Variants in RNASEH2B observed in about 807,000 individuals in gnomAD.
The protein encoded by RNASEH2B is ribonuclease H2 subunit B.
A neutral mutation model predicts 45.0 loss-of-function variants in RNASEH2B; 36 were observed. The ratio of observed to expected loss-of-function variants is 0.80; its 90% CI spans 0.61 to 1.06. The LOEUF (loss-of-function observed/expected upper bound fraction) is 1.06, where lower values mean the gene tolerates loss of function less well. RNASEH2B is among the 50% of genes least tolerant of loss of function. RNASEH2B has a pLI of 0.00. For missense variants in RNASEH2B, 361 were observed against 360.3 expected (o/e 1.00, Z -0.02); for synonymous variants, 119 against 125.7 (o/e 0.95, Z 0.35).
intron 6 of RNASEH2B, among the ~76,000 whole-genome samples, chr13:50,944,765 G>C (rs979563098): frequency 1.3e-5 from 2 of 152,178 alleles, no homozygotes; most frequent in African/African-American, 4.8e-5. Context: ...GAAAGATTTA[G>C]AGTGCCATGT....
At chr13:50,950,677 C>G (rs1479009157) in intron 9 of RNASEH2B, 1 of 152,202 alleles carries the variant, frequency 6.6e-6, no homozygotes, top group Non-Finnish European at 1.5e-5. Flanking sequence ...AAAAATGAAG[C>G]AGATTTTTTT....
chr13:50,910,154 C>T lies in RNASEH2B; in HGVS notation c.64+14C>T. ...TCCTGGTTTCAGGTAAACACGCGCG[C>T]CCGGGCGGCGGGGTCGGCCCAAGAA... On this transcript the variant is annotated intron_variant, in intron 1 of 10. Coordinates refer to ENST00000336617, the MANE Select transcript of RNASEH2B (RefSeq NM_024570.4). The T allele has an allele frequency of 4.2e-6, 6 of 1,429,010 alleles. No homozygotes were observed. The highest frequency in any genetic ancestry group is 5.5e-6 in the Non-Finnish European group (6 of 1,091,962). 88.5% of individuals were successfully genotyped at this position (1,429,010 alleles called of 1,614,324 possible). A position where few individuals can be genotyped will look rare whatever the true frequency, so the allele number is the denominator to read the frequency against.
intron 1 of RNASEH2B, among the ~76,000 whole-genome samples, chr13:50,923,482 T>C (rs759771966): frequency 8.5e-5 from 13 of 152,232 alleles, no homozygotes; most frequent in Non-Finnish European, 1.6e-4. Flanking sequence ...AACAGCTGAC[T>C]TCTCATTAGA....
At chr13:50,940,418 A>C (rs1951819977) in intron 5 of RNASEH2B, among the ~76,000 whole-genome samples, 1 of 152,234 alleles carries the variant, frequency 6.6e-6, no homozygotes, top group East Asian at 1.9e-4. Context: ...ATTCATTTTT[A>C]AAACAATATT....
Position 50,920,366 on chromosome 13 carries a change from G to A in RNASEH2B, c.65-7041G>A, listed in dbSNP as rs142190315. On this transcript the variant is annotated intron_variant, in intron 1 of 10. Transcript: ENST00000336617. ...CCTAGCCTGTGGAAGCCCAGCAGAT[G>A]GAAGATTTGCTGCCAGAGTTAATGG... Among the ~76,000 whole-genome samples, 1,195 of 152,236 alleles carry A rather than the reference G, an allele frequency of 7.8e-3. 20 individuals are homozygous for A. Among genetic ancestry groups the A allele is most frequent in the African/African-American group, 0.028 (1,145 of 41,540 alleles).
intron 9 of RNASEH2B, chr13:50,950,066 C>T (rs182887683): frequency 1.3e-5 from 2 of 153,176 alleles, no homozygotes; most frequent in African/African-American, 2.4e-5. Context: ...ATGTTTATCT[C>T]CTAGATCCAG....
intron 5 of RNASEH2B, among the ~76,000 whole-genome samples, chr13:50,939,356 C>A (rs1197192652): frequency 2.9e-4 from 42 of 145,590 alleles, no homozygotes; most frequent in African/African-American, 3.3e-4. Context: ...GACTCTGTTT[C>A]AAAAGAAAAA....
At chr13:50,936,579 ACAG>A (rs1951755534) in intron 5 of RNASEH2B, 1 of 152,226 alleles carries the variant, frequency 6.6e-6, no homozygotes, top group Admixed American at 6.5e-5. Flanking sequence ...TTGGCAGAAG[ACAG>A]CAGTCTTTTT....
chr13:50,948,742 C>T (rs1379811857), intron 8 of RNASEH2B: 1 of 152,002 alleles, frequency 6.6e-6, no homozygotes, highest in African/African-American at 2.4e-5. Flanking sequence ...CTTATAAATC[C>T]TTTTTATCCT....
At chr13:50,948,893 A>G (rs1272202026) in intron 8 of RNASEH2B, 2 of 152,386 alleles carry the variant, frequency 1.3e-5, no homozygotes, top group Non-Finnish European at 2.9e-5. Context: ...CTTCAAATTG[A>G]TAATCATATC....
At chr13:50,966,094 G>A (rs1952162159) in intron 9 of RNASEH2B, among the ~76,000 whole-genome samples, 1 of 152,074 alleles carries the variant, frequency 6.6e-6, no homozygotes, top group Non-Finnish European at 1.5e-5. Flanking sequence ...AAAACAAAAG[G>A]TATTACACAT....
chr13:50,910,185 G>C, intron 1 of RNASEH2B, 45 bp downstream of exon 1: 1 of 1,351,334 alleles, frequency 7.4e-7, no homozygotes, highest in Non-Finnish European at 9.6e-7. Flanking sequence ...AAGAACTGGC[G>C]GAGCGGCCCG....
chr13:50,928,895 C>G (rs1422782223), intron 2 of RNASEH2B, among the ~76,000 whole-genome samples: 1 of 145,314 alleles, frequency 6.9e-6, no homozygotes, highest in Admixed American at 7.0e-5. Flanking sequence ...ATAAAACATG[C>G]AGATGTGCAC....
At chr13:50,926,658 A>T (rs1236813874) in intron 1 of RNASEH2B, among the ~76,000 whole-genome samples, 1 of 152,174 alleles carries the variant, frequency 6.6e-6, no homozygotes. Flanking sequence ...AATATAGGCA[A>T]TTCACAGAAT....
intron 5 of RNASEH2B, among the ~76,000 whole-genome samples, chr13:50,939,579 T>G (rs1951809044): frequency 6.6e-6 from 1 of 151,776 alleles, no homozygotes; most frequent in South Asian, 2.1e-4. Flanking sequence ...GATAAATATA[T>G]AGATAAATGG....
intron 2 of RNASEH2B, 46 bp downstream of exon 2, chr13:50,927,524 A>G: frequency 8.5e-7 from 1 of 1,178,260 alleles, no homozygotes; most frequent in Admixed American, 1.7e-5. Context: ...TGTTGTGGCT[A>G]ATGAGTATAT....
Position 50,956,542 on chromosome 13 carries a change from T to C in RNASEH2B, c.*68T>C. 6.5e-7 allele frequency: 1 copy of C among 1,547,360 alleles called. No individual in the cohort carries two copies. Among genetic ancestry groups the C allele is most frequent in the Non-Finnish European group, 8.7e-7 (1 of 1,142,940 alleles). On this transcript the variant is annotated 3_prime_UTR_variant, in exon 11 of 11. Coordinates refer to ENST00000336617, the MANE Select transcript of RNASEH2B (RefSeq NM_024570.4). Reference sequence around the variant, plus strand: ...TGTTTCAGTTTGTCCTTCCTGACTGTTAATGACTACCTTTGGTTGGGGGAA... The same window carrying C: ...TGTTTCAGTTTGTCCTTCCTGACTGCTAATGACTACCTTTGGTTGGGGGAA...
chr13:50,921,109 G>A (rs1951518605), intron 1 of RNASEH2B: 1 of 152,032 alleles, frequency 6.6e-6, no homozygotes, highest in African/African-American at 2.4e-5. Flanking sequence ...TGTGTTCTAG[G>A]CACTTTCACA....
At chr13:50,945,347 C>A in intron 6 of RNASEH2B, 80 bp from the exon 7 acceptor site, 1 of 946,228 alleles carries the variant, frequency 1.1e-6, no homozygotes, top group Non-Finnish European at 1.7e-6. Flanking sequence ...CTTAAATGGT[C>A]TGAAGGCCAC....
Sources: allele counts gnomAD v4.1 joint callset (sites outside exome capture counted in the v4.1 genomes callset), GRCh38; gene constraint gnomAD v4.1.1; transcripts MANE v1.5; gene names NCBI Gene and HGNC (gene_info 2026-07-23, HGNC 2026-07-21).